The following VPS13A variants were observed in gnomAD, a reference collection of about 807,000 sequenced individuals.
VPS13A encodes the protein vacuolar protein sorting 13 homolog A, also known as intermembrane lipid transfer protein VPS13A.
In VPS13A, 264 loss-of-function variants were observed where a neutral mutation model predicts 390.9. The ratio of observed to expected loss-of-function variants is 0.68; its 90% confidence interval spans 0.61 to 0.75. The LOEUF (loss-of-function observed/expected upper bound fraction) is 0.75. Among genes scored for constraint, VPS13A ranks in the 30% least tolerant of loss-of-function variants. The pLI is 0.00. For synonymous variants in VPS13A, 1,231 were observed against 1,227.1 expected (o/e 1.00, Z -0.07); for missense variants, 3,409 against 3,733.9 (o/e 0.91, Z 2.27).
At chr9:77,348,211 A>G (rs1264904372) in intron 52 of VPS13A, among the ~76,000 whole-genome samples, 1 of 152,166 alleles carries the variant, frequency 6.6e-6, no homozygotes. Flanking sequence ...TAGCAAAGAC[A>G]TGGAATCAAC....
chr9:77,370,376 A>G, intron 64 of VPS13A, 39 bp from the exon 65 acceptor site: 2 of 1,614,158 alleles, frequency 1.2e-6, no homozygotes, highest in Non-Finnish European at 1.7e-6. Context: ...GCTAGAAAGT[A>G]ATGGCATCAT....
chr9:77,256,027 G>A (rs182253311), intron 22 of VPS13A, among the ~76,000 whole-genome samples: 5 of 149,566 alleles, frequency 3.3e-5, no homozygotes, highest in East Asian at 2.0e-4. Context: ...TTTTTATTTC[G>A]GGTAGCTTTA....
At chr9:77,366,939 C>A (rs981034421) in intron 61 of VPS13A, 67 bp downstream of exon 61, 3 of 1,542,242 alleles carry the variant, frequency 1.9e-6, no homozygotes, top group South Asian at 1.2e-5. Context: ...CTAAAAATTT[C>A]GTAAATGAAA....
intron 33 of VPS13A, among the ~76,000 whole-genome samples, chr9:77,300,107 T>C (rs951479431): frequency 5.3e-5 from 8 of 152,150 alleles, no homozygotes; most frequent in Non-Finnish European, 8.8e-5. Context: ...AGAATTATAT[T>C]GTTTTGTGCT....
intron 31 of VPS13A, among the ~76,000 whole-genome samples, chr9:77,289,537 A>C (rs1045860668): frequency 2.6e-5 from 4 of 152,140 alleles, no homozygotes; most frequent in African/African-American, 9.7e-5. Flanking sequence ...ATAGTGTAAG[A>C]ATCTTACAAT....
intron 68 of VPS13A, among the ~76,000 whole-genome samples, chr9:77,402,142 C>G (rs779519521): frequency 1.9e-4 from 29 of 152,084 alleles, no homozygotes; most frequent in Non-Finnish European, 3.8e-4. Context: ...ATTTGCCCTA[C>G]CTACTACAGT....
rs1338299506 is a variant in VPS13A at position 77,315,273 on chromosome 9, G to C, written c.4433G>C (p.Gly1478Ala). Residue 1478 changes from glycine (G) to alanine (A), a missense_variant, in exon 38 of 72, where the codon GGT becomes GCT. By Grantham distance (60) the Gly-to-Ala change is moderately conservative. This residue lies in a region of VPS13A where 2,717 missense variants were observed against 2,917.4 expected (regional missense o/e 0.93). Coordinates refer to ENST00000360280, the MANE Select transcript of VPS13A (RefSeq NM_033305.3). ...TCCAGAATGATAGGACTGACAGTTG[G>C]TTTTGACAAAAAAGACATGATGGAT... Reference protein sequence around the residue: ...ATPRMIGLTVGFDKKDMMDIK... With the variant: ...ATPRMIGLTVAFDKKDMMDIK... 5.6e-6 allele frequency: 9 copies of C among 1,613,856 alleles called. No homozygotes were observed. The highest frequency in any genetic ancestry group is 7.6e-6 in the Non-Finnish European group (9 of 1,179,782).
chr9:77,260,105 T>C lies in VPS13A; in HGVS notation c.2308T>C (p.Leu770=), dbSNP rs1039022015. ...AAACAGATTCAAGATTTATGGAAAG[T>C]TACCTCTTATTTCTTTACGAATCTC... ...RMPKFKIYGK[L]PLISLRISDK... The change falls in exon 23 of 72, where the codon TTA becomes CTA. Residue 770 remains leucine, a synonymous_variant. Coordinates refer to ENST00000360280, the MANE Select transcript of VPS13A (RefSeq NM_033305.3). 2 of 1,529,662 alleles carry C rather than the reference T, an allele frequency of 1.3e-6. No individual in the cohort carries two copies. Among genetic ancestry groups the C allele is most frequent in the Admixed American group, 1.7e-5 (1 of 59,392 alleles). 94.8% of individuals were successfully genotyped at this position (1,529,662 alleles called of 1,614,324 possible).
intron 59 of VPS13A, among the ~76,000 whole-genome samples, chr9:77,362,866 T>C (rs1554671991): frequency 6.6e-6 from 1 of 152,202 alleles, no homozygotes; most frequent in Non-Finnish European, 1.5e-5. Flanking sequence ...TATATTCTTC[T>C]TATAGTATTA....
intron 17 of VPS13A, among the ~76,000 whole-genome samples, chr9:77,235,841 C>A (rs909904266): frequency 1.3e-5 from 2 of 152,184 alleles, no homozygotes; most frequent in East Asian, 3.9e-4. Flanking sequence ...AGATGGTTCC[C>A]AAATCATGAT....
chr9:77,253,494 A>T (rs1460202594), intron 22 of VPS13A, among the ~76,000 whole-genome samples: 3 of 151,942 alleles, frequency 2.0e-5, no homozygotes, highest in African/African-American at 7.3e-5. Context: ...TTTGGTAGGG[A>T]TGGGATTTCA....
At position 77,396,388 on chromosome 9, in the gene VPS13A, A is replaced by G. The variant is rs563090007; in HGVS notation, c.9190-6848A>G. Among the ~76,000 whole-genome samples, 11 of 152,316 alleles carry G rather than the reference A, an allele frequency of 7.2e-5. 1 individual carries two copies. Among genetic ancestry groups the G allele is most frequent in the African/African-American group, 2.6e-4 (11 of 41,576 alleles). On this transcript the variant is annotated intron_variant, in intron 68 of 71. Coordinates refer to ENST00000360280, the MANE Select transcript of VPS13A (RefSeq NM_033305.3). The stretch of plus-strand genomic sequence containing the variant: ...AGATAGCATATTAGCATGGGAGAGG[A>G]TGAAGTTATGAGGGATAAAATAAGT...
In VPS13A at chr9:77,295,580, G is replaced by A. The variant is rs756456979; in HGVS notation, c.3546G>A (p.Leu1182=). ...ATTTTCAGGCAGCTAAACAAGCCTT[G>A]GCTGAGGCAACTGTTCAGGCAGCTG... ...IDNFQAAKQA[L]AEATVQAAGM... The change falls in exon 33 of 72, where the codon TTG becomes TTA. Residue 1182 remains leucine, a synonymous_variant. Coordinates refer to ENST00000360280, the MANE Select transcript of VPS13A (RefSeq NM_033305.3). 8 of 1,611,512 alleles carry A rather than the reference G, an allele frequency of 5.0e-6. No homozygotes were observed. The highest frequency in any genetic ancestry group is 5.9e-6 in the Non-Finnish European group (7 of 1,178,118).
intron 47 of VPS13A, 82 bp downstream of exon 47, chr9:77,337,619 T>C: frequency 7.2e-7 from 1 of 1,392,824 alleles, no homozygotes. Flanking sequence ...TAAAAACTAT[T>C]TTAAAGATCT....
At chr9:77,303,577 C>T (rs573132913) in intron 34 of VPS13A, among the ~76,000 whole-genome samples, 3 of 152,024 alleles carry the variant, frequency 2.0e-5, no homozygotes, top group Admixed American at 6.6e-5. Context: ...GCACTGGCAC[C>T]GGCCTCTGAG....
intron 22 of VPS13A, among the ~76,000 whole-genome samples, chr9:77,255,292 G>T (rs1200894970): frequency 1.3e-5 from 2 of 151,904 alleles, no homozygotes; most frequent in Non-Finnish European, 2.9e-5. Context: ...CCTTCATTCT[G>T]TTAATGGGGT....
intron 68 of VPS13A, chr9:77,383,017 TTA>T: frequency 1.0e-6 from 1 of 985,264 alleles, no homozygotes; most frequent in South Asian, 4.7e-5. Context: ...CAAGGAATCA[TTA>T]TGTTATGTAG....
chr9:77,179,781 G>T (rs565609044), intron 1 of VPS13A, among the ~76,000 whole-genome samples: 1 of 136,882 alleles, frequency 7.3e-6, no homozygotes, highest in South Asian at 2.4e-4. Context: ...TCACAAAATT[G>T]TACAACCATC....
At chr9:77,406,472 T>A (rs186313419) in intron 70 of VPS13A, among the ~76,000 whole-genome samples, 2 of 152,146 alleles carry the variant, frequency 1.3e-5, no homozygotes, top group Non-Finnish European at 2.9e-5. Flanking sequence ...CAAGCTGGAG[T>A]GCAGTGGCGC....
Sources: gnomAD v4.1 joint callset for allele counts (sites outside exome capture counted in the v4.1 genomes callset) on GRCh38, gnomAD v4.1.1 for gene constraint, gnomAD v4.1.1 regional missense constraint, MANE v1.5 for transcripts, NCBI Gene and HGNC (gene_info 2026-07-23, HGNC 2026-07-21) for gene names.